The following ERAL1 variants were observed in gnomAD, a reference collection of about 807,000 sequenced individuals.
ERAL1 encodes the protein GTPase Era, mitochondrial.
In ERAL1, 36 loss-of-function variants were observed where a neutral mutation model predicts 53.6. The observed-to-expected ratio is 0.67, with a 90% CI of 0.51 to 0.89. ERAL1 has a LOEUF of 0.89. Ranked by LOEUF, ERAL1 falls within the 40% of genes least tolerant of loss-of-function variation. The pLI, the probability that ERAL1 is intolerant of heterozygous loss-of-function variation, is 0.00. For synonymous variants in ERAL1, 215 were observed against 211.8 expected, an observed-to-expected ratio of 1.02 and a Z score of -0.13; for missense variants, 512 against 537.5, an observed-to-expected ratio of 0.95 and a Z score of 0.47.
chr17:28,859,379 CTCTT>C (rs967285627), intron 9 of ERAL1, 96 bp downstream of exon 9: 3 of 1,141,156 alleles, frequency 2.6e-6, no homozygotes, highest in Non-Finnish European at 3.8e-6. Flanking sequence ...ATATCCTTCT[CTCTT>C]TTTTTCTTCT....
rs773913720 is a variant in ERAL1, at chr17:28,859,024, A to G, written c.1021A>G (p.Ser341Gly). 2 of 1,614,226 alleles carry G rather than the reference A, an allele frequency of 1.2e-6. No individual in the cohort carries two copies. The highest frequency in any genetic ancestry group is 2.2e-5 in the South Asian group (2 of 91,080). The change falls in exon 8 of 10, where the codon AGC (serine) becomes GGC (glycine). Residue 341 changes from serine (S) to glycine (G), a missense_variant. Coordinates refer to ENST00000254928, the MANE Select transcript of ERAL1 (RefSeq NM_005702.4). ...GGAGTACCACAGTGCAGTCCTCACT[A>G]GCCAGACACCAGAAGAGATCTGTGC... is the stretch of plus-strand genomic sequence containing the variant. ...PWEYHSAVLT[S>G]QTPEEICANI...
Position 28,856,534 on chromosome 17 carries a change from T to C in ERAL1, c.441T>C (p.Thr147=), listed in dbSNP as rs2039245769. 10 of 1,613,970 alleles carry C rather than the reference T, an allele frequency of 6.2e-6. No homozygotes were observed. The highest frequency in any genetic ancestry group is 8.5e-6 in the Non-Finnish European group (10 of 1,179,924). Residue 147 remains threonine, a synonymous_variant, in exon 3 of 10, where the codon ACT becomes ACC. Transcript: ENST00000254928. Reference sequence around the variant, plus strand: ...TCCCTGTTTCCAGGAAGGTGCATACTACTCGCTGCCAAGCTCTGGGGGTCA... The same window carrying C: ...TCCCTGTTTCCAGGAAGGTGCATACCACTCGCTGCCAAGCTCTGGGGGTCA... ...KVFPVSRKVH[T]TRCQALGVIT...
chr17:28,857,831 T>A, intron 3 of ERAL1, 108 bp from the exon 4 acceptor site: 2 of 1,238,734 alleles, frequency 1.6e-6, no homozygotes, highest in Non-Finnish European at 2.4e-6. Context: ...AATAATAGTT[T>A]GACTGAGAAG....
In ERAL1 at chr17:28,855,118, G is replaced by A. The variant is rs773194891; in HGVS notation, c.84G>A (p.Glu28=). The A allele has an allele frequency of 1.9e-6, 3 of 1,614,240 alleles. No homozygotes were observed. Among genetic ancestry groups the A allele is most frequent in the Non-Finnish European group, 2.5e-6 (3 of 1,180,038 alleles). ...VWQVGPHVAR[E]RVIPFSSLLG... ...AGGTGGGCCCTCATGTCGCGAGGGA[G>A]CGGGTGATCCCTTTTTCCTCACTCT... Residue 28 remains glutamate, a synonymous_variant, in exon 1 of 10, where the codon GAG becomes GAA. Transcript: ENST00000254928.
In ERAL1 at chr17:28,858,216, C is replaced by T; in HGVS notation, c.598+9C>T. ...GGAATCTGCTGATCTTGGTTAGGTTCAGGATGGGAACCTTAAGCCCAGTTT... is the reference window on the plus strand; with the variant it reads ...GGAATCTGCTGATCTTGGTTAGGTTTAGGATGGGAACCTTAAGCCCAGTTT... On this transcript the variant is annotated intron_variant, in intron 5 of 9. Coordinates refer to ENST00000254928, the MANE Select transcript of ERAL1 (RefSeq NM_005702.4). 1 of 1,613,774 alleles carries T rather than the reference C, an allele frequency of 6.2e-7. No homozygotes were observed. The highest frequency in any genetic ancestry group is 8.5e-7 in the Non-Finnish European group (1 of 1,180,004).
Position 28,855,384 on chromosome 17 carries a change from C to A in ERAL1, c.283+67C>A, listed in dbSNP as rs114397679. ...TAGTATTGAAAGGTTTCTGGGGATA[C>A]TGTCTTTGATTCTATTTTATAGAAA... On this transcript the variant is annotated intron_variant, in intron 1 of 9. Transcript: ENST00000254928. The A allele has an allele frequency of 5.4e-4, 800 of 1,486,654 alleles. 6 individuals are homozygous for A. In the African/African-American group the frequency reaches 8.6e-3, roughly 16 times the overall value. The allele number at this position is 1,486,654 out of a possible 1,614,324, so 92.1% of individuals were successfully genotyped here.
chr17:28,859,354 C>T, intron 9 of ERAL1, 71 bp downstream of exon 9: 2 of 1,445,802 alleles, frequency 1.4e-6, no homozygotes, highest in Non-Finnish European at 1.9e-6. Flanking sequence ...AGCTTGGAGC[C>T]CTGAGAGCAG....
intron 3 of ERAL1, 191 bp downstream of exon 3, chr17:28,856,773 G>A (rs534598892): frequency 2.7e-5 from 14 of 527,870 alleles, no homozygotes; most frequent in Admixed American, 2.6e-4. Flanking sequence ...GTGCAGTGAC[G>A]CGATCTTGGC....
Position 28,859,080 on chromosome 17 carries a change from C to A in ERAL1, c.1077C>A (p.His359Gln). 6.2e-7 allele frequency: 1 copy of A among 1,614,166 alleles called. No individual in the cohort carries two copies. Among genetic ancestry groups the A allele is most frequent in the Non-Finnish European group, 8.5e-7 (1 of 1,180,034 alleles). ...TTATCCGAGAGAAGCTCCTAGAACA[C>A]CTGCCCCAGGAGGTGCCTTACAATG... The part of the protein sequence containing the change: ...ANIIREKLLE[H>Q]LPQEVPYNVQ... The change falls in exon 8 of 10, where the codon CAC becomes CAA. Residue 359 changes from histidine to glutamine, a missense_variant. Physicochemically the swap from His to Gln is conservative, Grantham distance 24 (BLOSUM62 0). Transcript: ENST00000254928.
chr17:28,860,343 A>G, intron 9 of ERAL1, 88 bp from the exon 10 acceptor site: 1 of 1,500,286 alleles, frequency 6.7e-7, no homozygotes, highest in Non-Finnish European at 9.1e-7. Flanking sequence ...CTGTGCTCAA[A>G]GGATCTTCTC....
Position 28,855,190 on chromosome 17 carries a change from C to G in ERAL1, c.156C>G (p.Phe52Leu). ...TGTCCTGCGTCGCGGGGTCCGCTTT[C>G]TCTGGTCCCCGCTTGGCCTCGGCTT... ...RCVSCVAGSA[F>L]SGPRLASASR... Residue 52 changes from phenylalanine (F) to leucine (L), a missense_variant, in exon 1 of 10, where the codon TTC becomes TTG. Physicochemically the swap from Phe to Leu is conservative, Grantham distance 22. Transcript: ENST00000254928. 6.2e-7 allele frequency: 1 copy of G among 1,614,248 alleles called. No homozygotes were observed. Among genetic ancestry groups the G allele is most frequent in the Non-Finnish European group, 8.5e-7 (1 of 1,180,044 alleles).
chr17:28,855,148 C>T lies in ERAL1; in HGVS notation c.114C>T (p.Gly38=). ...ERVIPFSSLL[G]FQRRCVSCVA... ...TGATCCCTTTTTCCTCACTCTTAGG[C>T]TTCCAACGGAGGTGCGTGTCCTGCG... Residue 38 remains glycine, a synonymous_variant, in exon 1 of 10, where the codon GGC becomes GGT. Transcript: ENST00000254928. 1 of 1,614,250 alleles carries T rather than the reference C, an allele frequency of 6.2e-7. No homozygotes were observed. Among genetic ancestry groups the T allele is most frequent in the Non-Finnish European group, 8.5e-7 (1 of 1,180,044 alleles).
At chr17:28,856,149 TC>T in intron 1 of ERAL1, 114 bp from the exon 2 acceptor site, 1 of 1,322,824 alleles carries the variant, frequency 7.6e-7, no homozygotes, top group Middle Eastern at 2.1e-4. Flanking sequence ...CTAGGTGACT[TC>T]AACCTGGTGC....
intron 9 of ERAL1, 32 bp from the exon 10 acceptor site, chr17:28,860,399 T>A: frequency 6.2e-7 from 1 of 1,609,198 alleles, no homozygotes; most frequent in Non-Finnish European, 8.5e-7. Flanking sequence ...GTGCCATCAT[T>A]CCTGGCTTCC....
chr17:28,861,033 C>T lies in ERAL1; in HGVS notation c.*480C>T. ...CCATCCCTCTCCCCAGTCTTGGATA[C>T]TAATAAAATATAAGCATTCTGGTTC... On this transcript the variant is annotated 3_prime_UTR_variant, in exon 10 of 10. Coordinates refer to ENST00000254928, the MANE Select transcript of ERAL1 (RefSeq NM_005702.4). 4.6e-6 allele frequency: 1 copy of T among 217,368 alleles called. No individual in the cohort carries two copies. Among genetic ancestry groups the T allele is most frequent in the South Asian group, 6.2e-5 (1 of 16,234 alleles). The allele number at this position is 217,368 out of a possible 1,614,324, so 13.5% of individuals were successfully genotyped here. A position where few individuals can be genotyped will look rare whatever the true frequency, so the allele number is the denominator to read the frequency against.
chr17:28,855,926 G>A (rs9895443), intron 1 of ERAL1, among the ~76,000 whole-genome samples: 111,870 of 151,908 alleles, frequency 0.74, 41,644 homozygotes, highest in Non-Finnish European at 0.8. Context: ...CACTTCTCAG[G>A]CACAGCTATA....
In ERAL1 at chr17:28,858,843, T is replaced by C. The variant is rs899379908; in HGVS notation, c.960+19T>C. The stretch of plus-strand genomic sequence containing the variant: ...ACTAAAGGTCAGTTAGTCTTGGCCA[T>C]AGCCTGGCCCTTGGTTTCTACCATA... On this transcript the variant is annotated intron_variant, in intron 7 of 9. Coordinates refer to ENST00000254928, the MANE Select transcript of ERAL1 (RefSeq NM_005702.4). The C allele has an allele frequency of 4.3e-6, 7 of 1,613,756 alleles. No individual in the cohort carries two copies. The highest frequency in any genetic ancestry group is 1.3e-5 in the African/African-American group (1 of 74,936).
At position 28,856,493 on chromosome 17, in the gene ERAL1, T is replaced by G; in HGVS notation, c.412-12T>G. 6.2e-7 allele frequency: 1 copy of G among 1,613,752 alleles called. No individual in the cohort carries two copies. The highest frequency in any genetic ancestry group is 8.5e-7 in the Non-Finnish European group (1 of 1,179,790). On this transcript the variant is annotated splice_polypyrimidine_tract_variant and intron_variant, in intron 2 of 9. Coordinates refer to ENST00000254928, the MANE Select transcript of ERAL1 (RefSeq NM_005702.4). ...ATCTGGGACCTCACTGAGACTCCTT[T>G]GTTCCTGGCAGGTGTTCCCTGTTTC...
At chr17:28,860,273 G>A (rs754621509) in intron 9 of ERAL1, among the ~76,000 whole-genome samples, 158 bp from the exon 10 acceptor site, 7 of 152,046 alleles carry the variant, frequency 4.6e-5, no homozygotes, top group African/African-American at 1.2e-4. Flanking sequence ...CACTGCGCCC[G>A]GCCACCCTCT....
Sources: allele counts gnomAD v4.1 joint callset (sites outside exome capture counted in the v4.1 genomes callset), GRCh38; gene constraint gnomAD v4.1.1; transcripts MANE v1.5; gene names NCBI Gene and HGNC (gene_info 2026-07-23, HGNC 2026-07-21).